Variants in SOX5 observed in about 807,000 individuals in gnomAD.
SOX5 encodes SRY-box transcription factor 5.
Under a neutral mutation model 92.0 loss-of-function variants are expected in SOX5, and 9 were observed. The ratio of observed to expected loss-of-function variants is 0.10; its 90% confidence interval spans 0.06 to 0.17. The LOEUF is 0.17. SOX5 is among the 10% of genes least tolerant of loss of function. The pLI is 1.00. For missense variants in SOX5, 642 were observed against 944.5 expected, an observed-to-expected ratio of 0.68 and a Z score of 4.20; for synonymous variants, 344 against 336.3, an observed-to-expected ratio of 1.02 and a Z score of -0.25.
In SOX5 at chr12:23,724,671, T is replaced by A. The variant is rs1593697588; in HGVS notation, c.810+10013A>T. ...TAGATATCCCTAGAAAGTTTTGGGA[T>A]TATTTTGGATTGGGCTGTCAGAGGT... On this transcript the variant is annotated intron_variant, in intron 6 of 14. Coordinates refer to ENST00000451604, the MANE Select transcript of SOX5 (RefSeq NM_006940.6). Among the ~76,000 whole-genome samples, 3 of 152,098 alleles carry A rather than the reference T, an allele frequency of 2.0e-5. No homozygotes were observed. The East Asian group carries it at 5.8e-4, about 29-fold the overall frequency.
chr12:24,518,346 C>T (rs1408671839), intron 1 of SOX5, among the ~76,000 whole-genome samples: 1 of 152,008 alleles, frequency 6.6e-6, no homozygotes, highest in Non-Finnish European at 1.5e-5. Flanking sequence ...TGGGACTACA[C>T]GCATGAGCCA....
Position 24,196,029 on chromosome 12 carries a change from C to T in SOX5, c.-2+17314G>A, listed in dbSNP as rs1231714954. 3.3e-5 allele frequency among the ~76,000 whole-genome samples: 5 copies of T among 152,124 alleles called. 1 individual carries two copies. The highest frequency in any genetic ancestry group is 4.1e-4 in the South Asian group (2 of 4,834). On this transcript the variant is annotated intron_variant, in intron 4 of 4. Coordinates refer to the SOX5 transcript ENST00000446891. ...ACGCTGGAGTAGCTGGAATCACATA[C>T]GTGCGCCACCACGCCTAGCTAATTT...
chr12:24,336,988 A>G (rs934864832), intron 2 of SOX5, among the ~76,000 whole-genome samples: 2 of 152,206 alleles, frequency 1.3e-5, no homozygotes, highest in African/African-American at 4.8e-5. Context: ...AAATTTGTGC[A>G]GTAGAAGTTT....
chr12:24,259,204 A>G (rs772866475), intron 3 of SOX5, among the ~76,000 whole-genome samples: 1 of 152,154 alleles, frequency 6.6e-6, no homozygotes, highest in Non-Finnish European at 1.5e-5. Context: ...GAGCACAAGA[A>G]AGAGACAGAA....
intron 6 of SOX5, among the ~76,000 whole-genome samples, chr12:23,705,012 G>A (rs776560893): frequency 4.0e-5 from 6 of 151,394 alleles, no homozygotes; most frequent in Non-Finnish European, 5.9e-5. Flanking sequence ...TACCTTAAAC[G>A]TTCTATCTAT....
chr12:24,260,226 C>T (rs7311725), intron 3 of SOX5, among the ~76,000 whole-genome samples: 5 of 151,964 alleles, frequency 3.3e-5, no homozygotes, highest in African/African-American at 1.2e-4. Context: ...TTCACTGATT[C>T]GCTGACGAGG....
At chr12:24,038,936 T>C (rs1312332008) in intron 4 of SOX5, among the ~76,000 whole-genome samples, 1 of 152,228 alleles carries the variant, frequency 6.6e-6, no homozygotes, top group Non-Finnish European at 1.5e-5. Flanking sequence ...CTAAAAGTTA[T>C]TATTCTCACA....
At chr12:24,143,701 C>T (rs968851545) in intron 4 of SOX5, among the ~76,000 whole-genome samples, 6 of 152,002 alleles carry the variant, frequency 3.9e-5, no homozygotes, top group Non-Finnish European at 8.8e-5. Context: ...AGAAAAATGA[C>T]TCAAAAAAAT....
chr12:24,330,164 G>C (rs1770107059), intron 2 of SOX5, among the ~76,000 whole-genome samples: 1 of 151,832 alleles, frequency 6.6e-6, no homozygotes, highest in African/African-American at 2.4e-5. Flanking sequence ...AAGAGAAAAA[G>C]GGATTAAAAA....
intron 4 of SOX5, among the ~76,000 whole-genome samples, chr12:24,186,571 T>G (rs778813429): frequency 1.3e-5 from 2 of 151,532 alleles, no homozygotes; most frequent in Non-Finnish European, 2.9e-5. Flanking sequence ...CAAAACTAAT[T>G]GCCCATAAAC....
At chr12:24,377,424 A>T (rs1343680596) in intron 1 of SOX5, among the ~76,000 whole-genome samples, 1 of 152,270 alleles carries the variant, frequency 6.6e-6, no homozygotes, top group Non-Finnish European at 1.5e-5. Context: ...ACTGTACATT[A>T]CAAATATTTA....
At chr12:23,979,893 CTGGCTGGCTGG>C (rs1569371479) in intron 4 of SOX5, among the ~76,000 whole-genome samples, 1 of 138,286 alleles carries the variant, frequency 7.2e-6, no homozygotes, top group African/African-American at 2.8e-5. Flanking sequence ...GGCTGGCTGG[CTGGCTGGCTGG>C]CTGGCTGGCC....
At chr12:23,684,983 T>A (rs966581497) in intron 6 of SOX5, among the ~76,000 whole-genome samples, 1 of 152,172 alleles carries the variant, frequency 6.6e-6, no homozygotes, top group Non-Finnish European at 1.5e-5. Flanking sequence ...CAGTATCAAA[T>A]AATTTATGTA....
chr12:23,902,400 A>ATAT (rs377159893), intron 1 of SOX5, among the ~76,000 whole-genome samples: 2 of 152,236 alleles, frequency 1.3e-5, no homozygotes, highest in African/African-American at 2.4e-5. Flanking sequence ...CGGCATGATA[A>ATAT]TATTATTTAT....
At chr12:24,258,033 C>T (rs1017416048) in intron 3 of SOX5, among the ~76,000 whole-genome samples, 20 of 152,054 alleles carry the variant, frequency 1.3e-4, no homozygotes, top group Non-Finnish European at 2.2e-4. Flanking sequence ...ATTAGCTGGG[C>T]GCGGTGGCGG....
chr12:23,692,831 A>G (rs2089124034), intron 6 of SOX5, among the ~76,000 whole-genome samples: 1 of 152,204 alleles, frequency 6.6e-6, no homozygotes, highest in Non-Finnish European at 1.5e-5. Context: ...TCAAGCTGAC[A>G]TATAATCTGA....
intron 4 of SOX5, among the ~76,000 whole-genome samples, chr12:24,162,600 G>A (rs902177972): frequency 6.6e-6 from 1 of 152,068 alleles, no homozygotes; most frequent in Non-Finnish European, 1.5e-5. Context: ...GGAAAAAACC[G>A]TGGCTTACAA....
intron 4 of SOX5, among the ~76,000 whole-genome samples, chr12:23,997,557 A>G (rs1469280455): frequency 3.3e-5 from 5 of 152,194 alleles, no homozygotes; most frequent in Non-Finnish European, 5.9e-5. Context: ...ACATCAGCAT[A>G]AGATCGTGGA....
At chr12:23,863,192 A>G (rs566257458) in intron 2 of SOX5, among the ~76,000 whole-genome samples, 1 of 152,314 alleles carries the variant, frequency 6.6e-6, no homozygotes, top group South Asian at 2.1e-4. Flanking sequence ...ATTGTATACT[A>G]CTTTGACTGT....
Sources: gnomAD v4.1 joint callset for allele counts (sites outside exome capture counted in the v4.1 genomes callset) on GRCh38, gnomAD v4.1.1 for gene constraint, MANE v1.5 for transcripts, NCBI Gene and HGNC (gene_info 2026-07-23, HGNC 2026-07-21) for gene names.